The following DPP10 variants were observed in gnomAD, a reference collection of about 807,000 sequenced individuals.
The protein encoded by DPP10 is inactive dipeptidyl peptidase 10.
Under a neutral mutation model 120.9 loss-of-function variants are expected in DPP10, and 33 were observed. The ratio of observed to expected loss-of-function variants is 0.27; its 90% confidence interval spans 0.21 to 0.37. The LOEUF (loss-of-function observed/expected upper bound fraction) is 0.37, where lower values mean the gene tolerates loss of function less well. Among genes scored for constraint, DPP10 ranks in the 10% least tolerant of loss-of-function variants. The pLI is 1.00. For synonymous variants in DPP10, 337 were observed against 326.1 expected, an observed-to-expected ratio of 1.03 and a Z score of -0.36; for missense variants, 816 against 942.8, an observed-to-expected ratio of 0.87 and a Z score of 1.76.
intron 1 of DPP10, among the ~76,000 whole-genome samples, chr2:114,874,956 A>T (rs138235591): frequency 6.6e-6 from 1 of 152,138 alleles, no homozygotes; most frequent in Non-Finnish European, 1.5e-5. Flanking sequence ...GTTCAGGTAT[A>T]TGCCAGGTTC....
intron 3 of DPP10, among the ~76,000 whole-genome samples, chr2:115,366,204 C>T (rs2065067891): frequency 1.3e-5 from 2 of 151,896 alleles, no homozygotes; most frequent in African/African-American, 4.8e-5. Flanking sequence ...TCTCCACTCT[C>T]AGCCTTTTAT....
chr2:114,929,286 C>A (rs560804083), intron 1 of DPP10, among the ~76,000 whole-genome samples: 111 of 152,258 alleles, frequency 7.3e-4, no homozygotes, highest in African/African-American at 2.6e-3. Flanking sequence ...CACGCATTAT[C>A]ATTGATAAAC....
intron 5 of DPP10, among the ~76,000 whole-genome samples, chr2:115,673,390 A>G (rs1020774592): frequency 2.0e-5 from 3 of 152,202 alleles, no homozygotes; most frequent in African/African-American, 7.2e-5. Context: ...ATATTATAAG[A>G]AATATTCTCT....
chr2:115,044,401 A>G (rs1420881584), intron 1 of DPP10, among the ~76,000 whole-genome samples: 2 of 152,030 alleles, frequency 1.3e-5, no homozygotes, highest in African/African-American at 4.8e-5. Context: ...TTTAGGGTAC[A>G]TGTGCACAAT....
intron 1 of DPP10, among the ~76,000 whole-genome samples, chr2:115,083,778 G>A (rs1393301774): frequency 6.6e-6 from 1 of 152,174 alleles, no homozygotes; most frequent in Non-Finnish European, 1.5e-5. Flanking sequence ...AGTGATTTCT[G>A]CAAGATTTTC....
intron 3 of DPP10, among the ~76,000 whole-genome samples, chr2:115,374,851 C>T (rs889042502): frequency 4.6e-5 from 7 of 152,182 alleles, no homozygotes; most frequent in Non-Finnish European, 7.3e-5. Flanking sequence ...TAGGGTGCCA[C>T]GTTCCAAGGC....
chr2:114,558,939 T>C (rs1039142508), intron 1 of DPP10, among the ~76,000 whole-genome samples: 19 of 152,186 alleles, frequency 1.2e-4, no homozygotes, highest in African/African-American at 4.6e-4. Flanking sequence ...CATAAGTACA[T>C]CTCCATGTCC....
intron 1 of DPP10, among the ~76,000 whole-genome samples, chr2:114,920,917 A>C (rs1244933745): frequency 6.6e-6 from 1 of 152,196 alleles, no homozygotes; most frequent in Non-Finnish European, 1.5e-5. Flanking sequence ...AAATCTTCTC[A>C]TCAGGGTAAT....
At chr2:115,593,081 G>A (rs1045499569) in intron 5 of DPP10, among the ~76,000 whole-genome samples, 13 of 152,060 alleles carry the variant, frequency 8.5e-5, no homozygotes, top group Middle Eastern at 3.2e-3. Flanking sequence ...AAGATAAATT[G>A]GTATATACAG....
At chr2:115,794,740 A>T (rs56229034) in intron 19 of DPP10, among the ~76,000 whole-genome samples, 36 of 152,194 alleles carry the variant, frequency 2.4e-4, no homozygotes, top group Non-Finnish European at 3.8e-4. Flanking sequence ...GTTTAACATT[A>T]TAGGGAGCCC....
chr2:114,652,787 T>G (rs1696687676), intron 1 of DPP10, among the ~76,000 whole-genome samples: 1 of 152,158 alleles, frequency 6.6e-6, no homozygotes, highest in Non-Finnish European at 1.5e-5. Context: ...GGACTCACTT[T>G]CTCACTGATT....
At position 115,839,723 on chromosome 2, in the gene DPP10, AG is replaced by A. The variant is rs1689896746; in HGVS notation, c.2183-1026del. ...TTAAACATGAGTTACAGAAATCTGA[AG>A]ATACACAAACTACAGGAATGAACAC... On this transcript the variant is annotated intron_variant, in intron 24 of 25. Coordinates refer to ENST00000410059, the MANE Select transcript of DPP10 (RefSeq NM_020868.6). 4.6e-5 allele frequency among the ~76,000 whole-genome samples: 7 copies of A among 151,872 alleles called. 1 individual carries two copies. The highest frequency in any genetic ancestry group is 1.7e-4 in the African/African-American group (7 of 41,408).
At chr2:115,559,143 C>T (rs948700582) in intron 5 of DPP10, among the ~76,000 whole-genome samples, 1 of 152,194 alleles carries the variant, frequency 6.6e-6, no homozygotes, top group Non-Finnish European at 1.5e-5. Flanking sequence ...ACTATATATA[C>T]TATTTCTTGA....
intron 20 of DPP10, 77 bp from the exon 21 acceptor site, chr2:115,815,598 G>A (rs545633019): frequency 7.9e-7 from 1 of 1,268,214 alleles, no homozygotes; most frequent in Admixed American, 2.1e-5. Context: ...TGTTTTGTAT[G>A]TATGCATGCC....
At chr2:115,499,461 A>G (rs2076568501) in intron 3 of DPP10, 49 bp from the exon 4 acceptor site, 2 of 1,461,176 alleles carry the variant, frequency 1.4e-6, no homozygotes, top group Admixed American at 1.8e-5. Flanking sequence ...CAGTTACTAT[A>G]TTATCTAGTC....
intron 5 of DPP10, among the ~76,000 whole-genome samples, chr2:115,529,213 C>T (rs571234000): frequency 3.9e-4 from 59 of 151,798 alleles, no homozygotes; most frequent in African/African-American, 1.2e-3. Context: ...TCTTGTTGCC[C>T]AGGCTGTAGT....
chr2:114,536,984 T>A (rs1396214567), intron 1 of DPP10, among the ~76,000 whole-genome samples: 1 of 152,196 alleles, frequency 6.6e-6, no homozygotes, highest in Non-Finnish European at 1.5e-5. Flanking sequence ...TAGAAAGAGT[T>A]CTGGATGCTT....
intron 3 of DPP10, among the ~76,000 whole-genome samples, chr2:115,435,190 C>T (rs2071382422): frequency 6.6e-6 from 1 of 151,694 alleles, no homozygotes. Flanking sequence ...CTTTCTTAGG[C>T]TGTGTACCCA....
intron 1 of DPP10, among the ~76,000 whole-genome samples, chr2:114,784,809 T>C (rs1341708184): frequency 6.6e-6 from 1 of 150,806 alleles, no homozygotes; most frequent in African/African-American, 2.4e-5. Flanking sequence ...CAGAAAGCAG[T>C]GTTTCCAGTC....
Sources: gnomAD v4.1 joint callset for allele counts (sites outside exome capture counted in the v4.1 genomes callset) on GRCh38, gnomAD v4.1.1 for gene constraint, MANE v1.5 for transcripts, NCBI Gene and HGNC (gene_info 2026-07-23, HGNC 2026-07-21) for gene names.